CACNA1C: variants seen among roughly 807,000 people sequenced by gnomAD.
CACNA1C encodes calcium voltage-gated channel subunit alpha1 C.
Under a neutral mutation model 229.0 loss-of-function variants are expected in CACNA1C, and 30 were observed. That is an observed-to-expected ratio of 0.13 (90% CI 0.10 to 0.18). CACNA1C has a LOEUF of 0.18. Among genes scored for constraint, CACNA1C ranks in the 10% least tolerant of loss-of-function variants. The pLI is 1.00. For synonymous variants in CACNA1C, 1,114 were observed against 1,132.5 expected (o/e 0.98, Z 0.33); for missense variants, 1,658 against 2,845.0 (o/e 0.58, Z 9.49).
At chr12:2,306,273 G>A (rs2095013944) in intron 3 of CACNA1C, among the ~76,000 whole-genome samples, 1 of 152,234 alleles carries the variant, frequency 6.6e-6, no homozygotes, top group African/African-American at 2.4e-5. Flanking sequence ...GAAGCAGTGA[G>A]TGAGCAGATC....
At chr12:2,351,794 C>T (rs1476523627) in intron 3 of CACNA1C, among the ~76,000 whole-genome samples, 1 of 152,132 alleles carries the variant, frequency 6.6e-6, no homozygotes, top group Non-Finnish European at 1.5e-5. Context: ...CTTCCTTGGG[C>T]TGCCCCTTTC....
chr12:2,658,462 C>T (rs2095534559), intron 34 of CACNA1C, among the ~76,000 whole-genome samples: 1 of 152,152 alleles, frequency 6.6e-6, no homozygotes, highest in African/African-American at 2.4e-5. Flanking sequence ...CAGTGCAGTG[C>T]CTTACTCAGG....
chr12:2,025,763 T>C (rs2047214151), intron 1 of CACNA1C, among the ~76,000 whole-genome samples: 1 of 152,234 alleles, frequency 6.6e-6, no homozygotes, highest in Non-Finnish European at 1.5e-5. Flanking sequence ...AGCAGAGCCA[T>C]TACCAATCTC....
intron 1 of CACNA1C, among the ~76,000 whole-genome samples, chr12:2,023,000 C>G (rs144283072): frequency 6.6e-6 from 1 of 152,088 alleles, no homozygotes; most frequent in African/African-American, 2.4e-5. Flanking sequence ...GAGAAGGGCT[C>G]TGAGCCTGGT....
chr12:2,480,463 A>G (rs1234140967), intron 5 of CACNA1C, among the ~76,000 whole-genome samples: 2 of 152,222 alleles, frequency 1.3e-5, no homozygotes, highest in African/African-American at 2.4e-5. Flanking sequence ...TTATTTGACT[A>G]ATGTTTGGCT....
intron 3 of CACNA1C, among the ~76,000 whole-genome samples, chr12:2,255,448 G>A (rs1041065783): frequency 6.6e-6 from 1 of 152,170 alleles, no homozygotes; most frequent in African/African-American, 2.4e-5. Flanking sequence ...CCTGCAAGAA[G>A]GAAGAGATGT....
intron 3 of CACNA1C, among the ~76,000 whole-genome samples, chr12:2,408,484 C>T (rs1595491164): frequency 1.4e-5 from 2 of 147,560 alleles, no homozygotes; most frequent in South Asian, 2.1e-4. Context: ...AGAGGAGGCT[C>T]TAATTGGGGC....
intron 24 of CACNA1C, 51 bp from the exon 25 acceptor site, chr12:2,606,560 T>A: frequency 6.8e-7 from 1 of 1,464,336 alleles, no homozygotes; most frequent in South Asian, 1.2e-5. Flanking sequence ...TGCTTTTGGA[T>A]TGACTCATTG....
rs760667373 is a variant in CACNA1C at position 2,608,752 on chromosome 12, G to A, written c.3558+40G>A. The A allele has an allele frequency of 1.6e-5, 25 of 1,604,770 alleles. No individual in the cohort carries two copies. The highest frequency in any genetic ancestry group is 2.1e-5 in the Non-Finnish European group (25 of 1,174,156). On this transcript the variant is annotated intron_variant, in intron 27 of 46. Coordinates refer to ENST00000399655, the MANE Select transcript of CACNA1C (RefSeq NM_000719.7). The surrounding 1 kb of genome is among the most constrained non-coding windows in gnomAD (Gnocchi z 4.2). ...AGGAGCGGAGGGAAGCGGGGCCCAC[G>A]GAGGGAATGGCAGCCTGCGGCCCAC...
rs1468341785 is a variant in CACNA1C, at chr12:2,440,429, CG to C, written c.478-8546del. Among the ~76,000 whole-genome samples the C allele has an allele frequency of 3.3e-5, 5 of 152,320 alleles. No individual in the cohort carries two copies. In the East Asian group the frequency reaches 9.6e-4, roughly 29 times the overall value. ...TGCTTAGCACAGTGTTTTCACGGCT[CG>C]TCCATGCTGTAGCATGTGTGGGAAT... On this transcript the variant is annotated intron_variant, in intron 3 of 46. Transcript: ENST00000399655.
intron 3 of CACNA1C, among the ~76,000 whole-genome samples, chr12:2,328,627 G>A (rs956366867): frequency 1.3e-5 from 2 of 152,198 alleles, no homozygotes; most frequent in African/African-American, 4.8e-5. Flanking sequence ...ACATAGGTGG[G>A]CATGGGCTTG....
At chr12:2,163,596 G>A (rs2096033883) in intron 3 of CACNA1C, among the ~76,000 whole-genome samples, 1 of 152,174 alleles carries the variant, frequency 6.6e-6, no homozygotes, top group Non-Finnish European at 1.5e-5. Context: ...CAGTGGTGAA[G>A]GTTCACAGAA....
intron 3 of CACNA1C, among the ~76,000 whole-genome samples, chr12:2,292,066 T>A (rs1591858614): frequency 6.6e-6 from 1 of 151,890 alleles, no homozygotes; most frequent in East Asian, 2.0e-4. Context: ...AGGACATCAC[T>A]AGGACTGGAA....
intron 3 of CACNA1C, among the ~76,000 whole-genome samples, chr12:2,231,260 C>T (rs1183751626): frequency 6.6e-6 from 1 of 152,208 alleles, no homozygotes; most frequent in African/African-American, 2.4e-5. Context: ...GTATCTAAGC[C>T]AGTGCTTTTA....
At chr12:2,450,283 G>A (rs532152975) in intron 4 of CACNA1C, among the ~76,000 whole-genome samples, 9 of 152,226 alleles carry the variant, frequency 5.9e-5, no homozygotes, top group East Asian at 1.9e-4. Context: ...GGTCAGGCGC[G>A]GTGGCTCACA....
rs182862497 is a variant in CACNA1C, at chr12:2,140,206, C to T, written c.477+19776C>T. On this transcript the variant is annotated intron_variant, in intron 3 of 46. Coordinates refer to ENST00000399655, the MANE Select transcript of CACNA1C (RefSeq NM_000719.7). Reference sequence around the variant, plus strand: ...TCTGTCCTGGGACAGGGACAGGCCCCAGCTCACTCTGGGAACAGTCACGGT... The same window carrying T: ...TCTGTCCTGGGACAGGGACAGGCCCTAGCTCACTCTGGGAACAGTCACGGT... Among the ~76,000 whole-genome samples, 5 of 151,326 alleles carry T rather than the reference C, an allele frequency of 3.3e-5. 1 individual carries two copies. The highest frequency in any genetic ancestry group is 6.6e-5 in the Admixed American group (1 of 15,092).
intron 5 of CACNA1C, among the ~76,000 whole-genome samples, chr12:2,484,685 A>T (rs889764172): frequency 6.6e-6 from 1 of 151,468 alleles, no homozygotes; most frequent in Non-Finnish European, 1.5e-5. Context: ...CTCGAGTAGC[A>T]CTTGGAAGAC....
chr12:2,635,636 G>A (rs2092464427), intron 30 of CACNA1C, among the ~76,000 whole-genome samples: 1 of 151,700 alleles, frequency 6.6e-6, no homozygotes, highest in Non-Finnish European at 1.5e-5. Flanking sequence ...AGAGACCCCT[G>A]TCTGCTCCTC....
intron 1 of CACNA1C, among the ~76,000 whole-genome samples, chr12:2,068,215 T>C (rs141143432): frequency 1.3e-5 from 2 of 152,280 alleles, no homozygotes; most frequent in East Asian, 3.9e-4. Flanking sequence ...GCCATGGAAA[T>C]ATGCTCTGCT....
Sources: gnomAD v4.1 joint callset for allele counts (sites outside exome capture counted in the v4.1 genomes callset) on GRCh38, gnomAD v4.1.1 for gene constraint, Gnocchi (gnomAD v3.1) non-coding constraint, MANE v1.5 for transcripts, NCBI Gene and HGNC (gene_info 2026-07-23, HGNC 2026-07-21) for gene names.